The following ABCA8 variants were observed in gnomAD, a reference collection of about 807,000 sequenced individuals.
ABCA8 encodes ABC-type organic anion transporter ABCA8.
ABCA8 carries 177 observed loss-of-function variants against 192.3 expected under a neutral mutation model. The ratio of observed to expected loss-of-function variants is 0.92; its 90% CI spans 0.81 to 1.04. ABCA8 has a LOEUF of 1.04. Among genes scored for constraint, ABCA8 ranks in the 50% least tolerant of loss-of-function variants. The pLI, the probability that ABCA8 is intolerant of heterozygous loss-of-function variation, is 0.00. For missense variants in ABCA8, 1,915 were observed against 1,904.8 expected, an observed-to-expected ratio of 1.01 and a Z score of -0.10; for synonymous variants, 642 against 690.2, an observed-to-expected ratio of 0.93 and a Z score of 1.09.
chr17:68,893,183 C>T (rs947232223), intron 23 of ABCA8, among the ~76,000 whole-genome samples: 1 of 152,092 alleles, frequency 6.6e-6, no homozygotes, highest in Non-Finnish European at 1.5e-5. Flanking sequence ...TATCATGTTA[C>T]AGGTTTTTTC....
At chr17:68,940,593 T>C (rs568233641) in intron 4 of ABCA8, among the ~76,000 whole-genome samples, 165 bp downstream of exon 4, 5 of 152,286 alleles carry the variant, frequency 3.3e-5, no homozygotes, top group African/African-American at 1.2e-4. Context: ...ACTTAGATAC[T>C]GAGTGGTGAG....
At chr17:68,888,281 C>T (rs1240143288) in intron 24 of ABCA8, among the ~76,000 whole-genome samples, 1 of 151,536 alleles carries the variant, frequency 6.6e-6, no homozygotes, top group South Asian at 2.1e-4. Context: ...ATAAACATAC[C>T]AAATTACATG....
chr17:68,893,197 C>T (rs746485636), intron 23 of ABCA8, among the ~76,000 whole-genome samples: 75 of 152,126 alleles, frequency 4.9e-4, no homozygotes, highest in African/African-American at 1.3e-3. Context: ...TTTTTTCCTA[C>T]GTACAAGGTA....
At chr17:68,892,844 A>T (rs928402397) in intron 23 of ABCA8, among the ~76,000 whole-genome samples, 1 of 152,180 alleles carries the variant, frequency 6.6e-6, no homozygotes, top group African/African-American at 2.4e-5. Flanking sequence ...TTGCTGGACC[A>T]TATGAAAATA....
rs746333534 is a variant in ABCA8 at position 68,927,949 on chromosome 17, C to A, written c.1240G>T (p.Ala414Ser). ...MLAFDTCLYL[A>S]LAIYFEKILP... The stretch of plus-strand genomic sequence containing the variant: ...ATTTTTTCAAAGTAAATCGCCAATG[C>A]CAGATAGAGGCAAGTGTCAAATGCC... The change falls in exon 10 of 40, where the codon GCA (alanine) becomes TCA (serine). Residue 414 changes from alanine (A) to serine (S), a missense_variant. By Grantham distance (99) the Ala-to-Ser change is moderately conservative. Coordinates refer to ENST00000586539, the MANE Select transcript of ABCA8 (RefSeq NM_001288985.2). 1.6e-5 allele frequency: 25 copies of A among 1,605,498 alleles called. No homozygotes were observed. Among genetic ancestry groups the A allele is most frequent in the Non-Finnish European group, 2.0e-5 (24 of 1,177,134 alleles).
chr17:68,906,523 G>A (rs960417048), intron 18 of ABCA8, among the ~76,000 whole-genome samples: 1 of 152,182 alleles, frequency 6.6e-6, no homozygotes, highest in East Asian at 1.9e-4. Context: ...CTAGAGAACA[G>A]ATATAAATGG....
At chr17:68,894,853 C>A (rs2066705207) in intron 22 of ABCA8, 27 bp downstream of exon 22, 1 of 1,590,934 alleles carries the variant, frequency 6.3e-7, no homozygotes, top group Non-Finnish European at 8.5e-7. Flanking sequence ...TCACATTTTT[C>A]AGAAAGATTA....
At chr17:68,946,213 G>A (rs985726412) in intron 2 of ABCA8, among the ~76,000 whole-genome samples, 1 of 151,810 alleles carries the variant, frequency 6.6e-6, no homozygotes, top group Non-Finnish European at 1.5e-5. Context: ...GACTACAGGC[G>A]CCCACCACCA....
At chr17:68,917,858 C>A (rs1027826687) in intron 16 of ABCA8, among the ~76,000 whole-genome samples, 189 bp downstream of exon 16, 4 of 152,120 alleles carry the variant, frequency 2.6e-5, no homozygotes, top group African/African-American at 9.7e-5. Context: ...CCAAATTATA[C>A]AAAATTCTGC....
rs756805902 is a variant in ABCA8 at position 68,869,728 on chromosome 17, T to C, written c.4683A>G (p.Leu1561=). 24 of 1,613,040 alleles carry C rather than the reference T, an allele frequency of 1.5e-5. No homozygotes were observed. Among genetic ancestry groups the C allele is most frequent in the Non-Finnish European group, 1.7e-5 (20 of 1,179,232 alleles). The change falls in exon 38 of 40, where the codon TTA becomes TTG. Residue 1561 remains leucine (L), a synonymous_variant. Transcript: ENST00000586539. ...YKLPVEDVQP[L]AQAFFKLEKV... The stretch of plus-strand genomic sequence containing the variant: ...TCTCTAATTTGAAGAAAGCTTGGGC[T>C]AAAGGTTGCACATCTTCCACTGGCA...
intron 1 of ABCA8, among the ~76,000 whole-genome samples, chr17:68,954,980 AT>A (rs1567896944): frequency 2.0e-5 from 3 of 152,212 alleles, no homozygotes; most frequent in South Asian, 2.1e-4. Flanking sequence ...TGTTTGCATA[AT>A]TTTTTAAAAA....
rs767975152 is a variant in ABCA8 at position 68,903,359 on chromosome 17, C to G, written c.2539G>C (p.Ala847Pro). Residue 847 changes from alanine to proline, a missense_variant, in exon 20 of 40, where the codon GCA (alanine) becomes CCA (proline). Coordinates refer to ENST00000586539, the MANE Select transcript of ABCA8 (RefSeq NM_001288985.2). ...TTTAACAAGCGAACCCTTGCAATTG[C>G]GCAGATTTGCTGTCGCCAGAGAGCC... ...GVALWRQQIC[A>P]IARVRLLKLK... 6.2e-7 allele frequency: 1 copy of G among 1,614,148 alleles called. No individual in the cohort carries two copies. Among genetic ancestry groups the G allele is most frequent in the East Asian group, 2.2e-5 (1 of 44,880 alleles).
At position 68,884,305 on chromosome 17, in the gene ABCA8, A is replaced by T. The variant is rs1555606363; in HGVS notation, c.3615+26T>A. On this transcript the variant is annotated intron_variant, in intron 28 of 39. Transcript: ENST00000586539. ...TTATTAAATTTAGTAAAAAGTGATA[A>T]TTTTTAAAGAACAGTGTGTTCTTAC... 5 of 1,531,058 alleles carry T rather than the reference A, an allele frequency of 3.3e-6. No individual in the cohort carries two copies. The South Asian group carries it at 5.3e-5, about 16-fold the overall frequency. The allele number at this position is 1,531,058 out of a possible 1,614,324, so 94.8% of individuals were successfully genotyped here.
chr17:68,923,602 A>G (rs2067607464), intron 11 of ABCA8, among the ~76,000 whole-genome samples: 1 of 152,246 alleles, frequency 6.6e-6, no homozygotes, highest in African/African-American at 2.4e-5. Context: ...AGGAACAAAA[A>G]GAAACACACA....
rs2067934132 is a variant in ABCA8, at chr17:68,932,589, CT to C, written c.571-76del. 7 of 1,091,776 alleles carry C rather than the reference CT, an allele frequency of 6.4e-6. No individual in the cohort carries two copies. The Admixed American group carries it at 1.3e-4, about 20-fold the overall frequency. The allele number at this position is 1,091,776 out of a possible 1,614,324, so 67.6% of individuals were successfully genotyped here. ...CAGTTTTCTTTTAACCATCTATTTT[CT>C]TGTGGATGTATGATTGGCCTATTGG... On this transcript the variant is annotated intron_variant, in intron 6 of 39. Coordinates refer to ENST00000586539, the MANE Select transcript of ABCA8 (RefSeq NM_001288985.2).
intron 17 of ABCA8, among the ~76,000 whole-genome samples, chr17:68,912,804 A>G (rs1159731264): frequency 6.6e-6 from 1 of 152,214 alleles, no homozygotes; most frequent in Non-Finnish European, 1.5e-5. Flanking sequence ...CAATAATAAT[A>G]GCTGGAGACT....
Position 68,937,058 on chromosome 17 carries a change from T to C in ABCA8, c.359A>G (p.Tyr120Cys). Reference sequence around the variant, plus strand: ...GGTGACTCTTACTATTTCTTCAGGATAATTTGCTGTGAATTCTTTAATACT... The same window carrying C: ...GGTGACTCTTACTATTTCTTCAGGACAATTTGCTGTGAATTCTTTAATACT... Reference protein sequence around the residue: ...EESIKEFTANYPEEIVRVTFT... With the variant: ...EESIKEFTANCPEEIVRVTFT... Residue 120 changes from tyrosine (Y) to cysteine (C), a missense_variant, in exon 5 of 40, where the codon TAT becomes TGT. Transcript: ENST00000586539. The C allele has an allele frequency of 6.2e-7, 1 of 1,610,838 alleles. No individual in the cohort carries two copies. Among genetic ancestry groups the C allele is most frequent in the South Asian group, 1.1e-5 (1 of 90,628 alleles).
At chr17:68,884,619 G>A in intron 27 of ABCA8, 4 of 1,224,294 alleles carry the variant, frequency 3.3e-6, no homozygotes, top group Non-Finnish European at 4.1e-6. Flanking sequence ...CACCTGGCGA[G>A]AGAATCCTGG....
At chr17:68,946,651 T>C (rs2068417783) in intron 2 of ABCA8, among the ~76,000 whole-genome samples, 3 of 152,192 alleles carry the variant, frequency 2.0e-5, no homozygotes, top group Non-Finnish European at 4.4e-5. Flanking sequence ...GAAATTATAT[T>C]GTATTGGCCG....
Sources: allele counts gnomAD v4.1 joint callset (sites outside exome capture counted in the v4.1 genomes callset), GRCh38; gene constraint gnomAD v4.1.1; transcripts MANE v1.5; gene names NCBI Gene and HGNC (gene_info 2026-07-23, HGNC 2026-07-21).